Variants in MOXD1 observed in about 807,000 individuals in gnomAD.
MOXD1 encodes the protein monooxygenase DBH like 1.
MOXD1 carries 62 observed loss-of-function variants against 66.6 expected under a neutral mutation model. That is an observed-to-expected ratio of 0.93 (90% CI 0.76 to 1.15). The LOEUF (loss-of-function observed/expected upper bound fraction) is 1.15, where lower values mean the gene tolerates loss of function less well. MOXD1 is among the 50% of genes most tolerant of loss of function. The pLI is 0.00. For missense variants in MOXD1, 847 were observed against 754.6 expected (o/e 1.12, Z -1.44); for synonymous variants, 303 against 281.9 (o/e 1.07, Z -0.75).
At chr6:132,399,565 A>G (rs1341756371) in intron 1 of MOXD1, among the ~76,000 whole-genome samples, 1 of 152,214 alleles carries the variant, frequency 6.6e-6, no homozygotes, top group East Asian at 1.9e-4. Flanking sequence ...GGCATGTTGA[A>G]TCAGAATTCT....
At position 132,356,258 on chromosome 6, in the gene MOXD1, G is replaced by A. The variant is rs115759279; in HGVS notation, c.663+16350C>T. On this transcript the variant is annotated intron_variant, in intron 4 of 11. Transcript: ENST00000367963. ...ATGTTTTAAAAAGAAATCGGTAAAG[G>A]GTTGAACAGCAAACTGACAGAAGAG... Among the ~76,000 whole-genome samples the A allele has an allele frequency of 9.1e-3, 1,381 of 152,240 alleles. 26 individuals carry two copies. Among genetic ancestry groups the A allele is most frequent in the African/African-American group, 0.032 (1,318 of 41,552 alleles).
At chr6:132,359,967 C>T (rs376844137) in intron 4 of MOXD1, among the ~76,000 whole-genome samples, 1 of 152,156 alleles carries the variant, frequency 6.6e-6, no homozygotes, top group African/African-American at 2.4e-5. Context: ...ATCCTGACAA[C>T]AAGTAACTGC....
chr6:132,349,452 C>T lies in MOXD1; in HGVS notation c.664-20858G>A, dbSNP rs13201825. Among the ~76,000 whole-genome samples, 188 of 74,014 alleles carry T rather than the reference C, an allele frequency of 2.5e-3. 8 individuals are homozygous for T. The highest frequency in any genetic ancestry group is 6.1e-3 in the Middle Eastern group (1 of 164). The allele number at this position is 74,014 out of a possible 152,430, so 48.6% of individuals were successfully genotyped here. ...ATATATATACATATATATATATATA[C>T]ATATATATATATACATATATATATA... is the stretch of plus-strand genomic sequence containing the variant. On this transcript the variant is annotated intron_variant, in intron 4 of 11. Transcript: ENST00000367963.
rs1040505040 is a variant in MOXD1 at position 132,296,951 on chromosome 6, T to C, written c.*202A>G. 6 of 486,984 alleles carry C rather than the reference T, an allele frequency of 1.2e-5. No homozygotes were observed. Among genetic ancestry groups the C allele is most frequent in the Middle Eastern group, 5.0e-4 (1 of 2,016 alleles). The allele number at this position is 486,984 out of a possible 1,614,324, so 30.2% of individuals were successfully genotyped here. ...AGTTTTATTTTATTGACCATGTATATATAACATCAGATATTTCTAAGAAAG... is the reference window on the plus strand; with the variant it reads ...AGTTTTATTTTATTGACCATGTATACATAACATCAGATATTTCTAAGAAAG... On this transcript the variant is annotated 3_prime_UTR_variant, in exon 12 of 12. Coordinates refer to ENST00000367963, the MANE Select transcript of MOXD1 (RefSeq NM_015529.4).
intron 4 of MOXD1, among the ~76,000 whole-genome samples, chr6:132,331,900 G>A (rs965292453): frequency 6.6e-6 from 1 of 152,152 alleles, no homozygotes; most frequent in Non-Finnish European, 1.5e-5. Context: ...AAGGCAAGTT[G>A]CCGACAGCTG....
intron 4 of MOXD1, among the ~76,000 whole-genome samples, chr6:132,370,092 C>T (rs1776234522): frequency 6.6e-6 from 1 of 151,984 alleles, no homozygotes; most frequent in African/African-American, 2.4e-5. Context: ...TGTGAAAGTA[C>T]TTTTTGTTTG....
chr6:132,333,103 G>A (rs560911516), intron 4 of MOXD1, among the ~76,000 whole-genome samples: 206 of 152,214 alleles, frequency 1.4e-3, no homozygotes, highest in African/African-American at 4.8e-3. Flanking sequence ...TTGGGAGGCC[G>A]AGGCGGGCAG....
chr6:132,351,889 T>C (rs1044762291), intron 4 of MOXD1, among the ~76,000 whole-genome samples: 2 of 152,176 alleles, frequency 1.3e-5, no homozygotes, highest in African/African-American at 4.8e-5. Flanking sequence ...AATTTATCCA[T>C]CTCTTCTAGG....
intron 4 of MOXD1, among the ~76,000 whole-genome samples, chr6:132,351,281 C>T (rs533693085): frequency 6.6e-6 from 1 of 152,014 alleles, no homozygotes; most frequent in South Asian, 2.1e-4. Context: ...GTGGGTTTGT[C>T]GTAGATGGCT....
At chr6:132,398,935 CAA>C (rs150318811) in intron 1 of MOXD1, among the ~76,000 whole-genome samples, 13 of 75,100 alleles carry the variant, frequency 1.7e-4, no homozygotes, top group Admixed American at 1.5e-4. Flanking sequence ...GAGACTTTGT[CAA>C]AAAAAAAAAA....
chr6:132,321,382 T>C (rs1373608799), intron 8 of MOXD1, among the ~76,000 whole-genome samples: 2 of 152,232 alleles, frequency 1.3e-5, no homozygotes, highest in Non-Finnish European at 2.9e-5. Flanking sequence ...GTAGTTATTG[T>C]GATCACCTCT....
At chr6:132,326,139 T>C (rs1775183037) in intron 6 of MOXD1, among the ~76,000 whole-genome samples, 1 of 152,146 alleles carries the variant, frequency 6.6e-6, no homozygotes, top group African/African-American at 2.4e-5. Context: ...TAATAGATAA[T>C]CTAGTAAATA....
chr6:132,350,391 C>T (rs1038312579), intron 4 of MOXD1, among the ~76,000 whole-genome samples: 2 of 152,080 alleles, frequency 1.3e-5, no homozygotes, highest in African/African-American at 4.8e-5. Context: ...TGTCATTTAC[C>T]CACTTTATGT....
chr6:132,347,967 A>G (rs1249786752), intron 4 of MOXD1, among the ~76,000 whole-genome samples: 3 of 152,222 alleles, frequency 2.0e-5, no homozygotes, highest in Middle Eastern at 3.4e-3. Flanking sequence ...CAGTTCCATG[A>G]AAAAGAGAAA....
intron 9 of MOXD1, among the ~76,000 whole-genome samples, chr6:132,318,184 A>G (rs921180432): frequency 1.1e-4 from 16 of 152,010 alleles, no homozygotes; most frequent in African/African-American, 3.6e-4. Context: ...TTCTCTCCTG[A>G]AACACATTCT....
Position 132,328,662 on chromosome 6 carries a change from G to A in MOXD1, c.664-68C>T, listed in dbSNP as rs1157563600. 20 of 1,407,052 alleles carry A rather than the reference G, an allele frequency of 1.4e-5. No homozygotes were observed. The Middle Eastern group carries it at 6.6e-4, about 47-fold the overall frequency. The allele number at this position is 1,407,052 out of a possible 1,614,324, so 87.2% of individuals were successfully genotyped here. On this transcript the variant is annotated intron_variant, in intron 4 of 11. Coordinates refer to ENST00000367963, the MANE Select transcript of MOXD1 (RefSeq NM_015529.4). ...CACCCTACAACATCCCACAACAAAC[G>A]TGAAACTAGCATAAATTACTGTCAG...
At chr6:132,320,480 T>A (rs1011579955) in intron 9 of MOXD1, 149 bp downstream of exon 9, 12 of 593,018 alleles carry the variant, frequency 2.0e-5, no homozygotes, top group Non-Finnish European at 3.2e-5. Flanking sequence ...GCTAAAAACA[T>A]CTCTGATGTC....
At chr6:132,393,748 C>T (rs536698891) in intron 1 of MOXD1, among the ~76,000 whole-genome samples, 86 of 152,324 alleles carry the variant, frequency 5.6e-4, no homozygotes, top group African/African-American at 2.1e-3. Flanking sequence ...CCAAGAGCCC[C>T]TGCACCTCCA....
At chr6:132,337,649 G>A (rs1775467992) in intron 4 of MOXD1, among the ~76,000 whole-genome samples, 2 of 152,168 alleles carry the variant, frequency 1.3e-5, no homozygotes, top group South Asian at 2.1e-4. Flanking sequence ...AGGTCCTTTG[G>A]CCAAACACTT....
Sources: gnomAD v4.1 joint callset for allele counts (sites outside exome capture counted in the v4.1 genomes callset) on GRCh38, gnomAD v4.1.1 for gene constraint, MANE v1.5 for transcripts, NCBI Gene and HGNC (gene_info 2026-07-23, HGNC 2026-07-21) for gene names.